The following PDGFRL variants were observed in gnomAD, a reference collection of about 807,000 sequenced individuals.
PDGFRL encodes the protein platelet derived growth factor receptor like.
Under a neutral mutation model 37.2 loss-of-function variants are expected in PDGFRL, and 46 were observed. The ratio of observed to expected loss-of-function variants is 1.24; its 90% confidence interval spans 0.98 to 1.58. The LOEUF (loss-of-function observed/expected upper bound fraction) is 1.58. PDGFRL is among the 40% of genes most tolerant of loss of function. PDGFRL has a pLI of 0.00. For missense variants in PDGFRL, 692 were observed against 467.6 expected (o/e 1.48, Z -4.43); for synonymous variants, 251 against 184.3 (o/e 1.36, Z -2.93).
At chr8:17,640,988 T>C (rs114338256) in intron 5 of PDGFRL, among the ~76,000 whole-genome samples, 5,511 of 151,872 alleles carry the variant, frequency 0.036, 242 homozygotes, top group African/African-American at 0.11. Context: ...CTCAGGCCAA[T>C]GGGGTTATGT....
chr8:17,605,696 A>C (rs941406759), intron 2 of PDGFRL, among the ~76,000 whole-genome samples: 12 of 152,240 alleles, frequency 7.9e-5, no homozygotes, highest in African/African-American at 2.7e-4. Flanking sequence ...CAGTAAAAAC[A>C]AGATAGGCTG....
At chr8:17,598,653 G>C (rs139303137) in intron 2 of PDGFRL, among the ~76,000 whole-genome samples, 239 of 152,242 alleles carry the variant, frequency 1.6e-3, no homozygotes, top group African/African-American at 5.5e-3. Context: ...GTGTCACCTG[G>C]ATCCATCCCC....
At chr8:17,600,479 A>C (rs1366532096) in intron 2 of PDGFRL, among the ~76,000 whole-genome samples, 1 of 152,022 alleles carries the variant, frequency 6.6e-6, no homozygotes, top group East Asian at 1.9e-4. Flanking sequence ...AGACTGAGCT[A>C]CCTAGCTGCC....
At chr8:17,595,872 G>C (rs1804041628) in intron 2 of PDGFRL, among the ~76,000 whole-genome samples, 1 of 152,220 alleles carries the variant, frequency 6.6e-6, no homozygotes, top group South Asian at 2.1e-4. Flanking sequence ...AACTCGAGGG[G>C]CCTTTTGAGG....
At chr8:17,605,762 T>C (rs1479142558) in intron 2 of PDGFRL, among the ~76,000 whole-genome samples, 2 of 152,230 alleles carry the variant, frequency 1.3e-5, no homozygotes, top group Non-Finnish European at 2.9e-5. Context: ...AGGCATTGTC[T>C]TTCAGGATGT....
chr8:17,598,140 T>A (rs956052071), intron 2 of PDGFRL, among the ~76,000 whole-genome samples: 1 of 152,202 alleles, frequency 6.6e-6, no homozygotes, highest in African/African-American at 2.4e-5. Context: ...ATCCTATATG[T>A]TTCCTGCAGT....
rs574916573 is a variant in PDGFRL, at chr8:17,606,335, G to A, written c.354-14716G>A. Among the ~76,000 whole-genome samples, 5 of 152,138 alleles carry A rather than the reference G, an allele frequency of 3.3e-5. No homozygotes were observed. The South Asian group carries it at 6.2e-4, about 19-fold the overall frequency. On this transcript the variant is annotated intron_variant, in intron 2 of 5. Transcript: ENST00000251630. ...GCGAACTCACTTTCCTCCAAAGCTC[G>A]TTTTATTTTATTTTCTGAGCAGAAC...
intron 5 of PDGFRL, among the ~76,000 whole-genome samples, chr8:17,637,047 A>G (rs568112413): frequency 1.3e-5 from 2 of 152,292 alleles, no homozygotes; most frequent in East Asian, 3.9e-4. Flanking sequence ...GTATATGATT[A>G]CATCATCAGC....
chr8:17,597,425 A>G (rs918572165), intron 2 of PDGFRL, among the ~76,000 whole-genome samples: 3 of 152,220 alleles, frequency 2.0e-5, no homozygotes, highest in African/African-American at 7.2e-5. Flanking sequence ...AAATTGTGAA[A>G]TGTTCTTGAC....
intron 2 of PDGFRL, among the ~76,000 whole-genome samples, chr8:17,612,928 T>C (rs778895473): frequency 9.9e-5 from 15 of 152,240 alleles, no homozygotes; most frequent in Non-Finnish European, 2.1e-4. Context: ...ATCTCTTTTA[T>C]GATTAACTTT....
At chr8:17,607,939 G>A (rs768768206) in intron 2 of PDGFRL, among the ~76,000 whole-genome samples, 1 of 152,234 alleles carries the variant, frequency 6.6e-6, no homozygotes, top group Non-Finnish European at 1.5e-5. Flanking sequence ...TTTGCCTCCA[G>A]TGTCCGGGCT....
At chr8:17,577,082 T>TAAAAAAAAACAA (rs1803599051), upstream of PDGFRL, 1 of 410,770 alleles carries the variant, frequency 2.4e-6, no homozygotes, top group Non-Finnish European at 3.7e-6. Flanking sequence ...CACAGAGAAC[T>TAAAAAAAAACAA]AAAAAAAAAA....
rs554547378 is a variant in PDGFRL at position 17,590,610 on chromosome 8, G to T, written c.353+845G>T. On this transcript the variant is annotated intron_variant, in intron 2 of 5. Coordinates refer to ENST00000251630, the MANE Select transcript of PDGFRL (RefSeq NM_001372073.1). ...CTGCAATTCCAGTTACTCAGGCAGA[G>T]CTGAGGCAGAAGAGTCGCTTGAACC... is the stretch of plus-strand genomic sequence containing the variant. Among the ~76,000 whole-genome samples the T allele has an allele frequency of 3.6e-3, 550 of 150,796 alleles. 2 individuals carry two copies. The highest frequency in any genetic ancestry group is 0.013 in the African/African-American group (531 of 40,822).
At chr8:17,627,427 G>A (rs547153032) in intron 3 of PDGFRL, among the ~76,000 whole-genome samples, 9 of 151,804 alleles carry the variant, frequency 5.9e-5, no homozygotes, top group Admixed American at 5.2e-4. Flanking sequence ...TTATTCAAAT[G>A]AGCTTTAACA....
intron 1 of PDGFRL, among the ~76,000 whole-genome samples, chr8:17,579,648 C>A (rs933087751): frequency 6.6e-6 from 1 of 151,754 alleles, no homozygotes; most frequent in African/African-American, 2.4e-5. Context: ...CTCACTGCGA[C>A]TTCCACTTGT....
intron 3 of PDGFRL, among the ~76,000 whole-genome samples, chr8:17,625,872 G>A (rs956045130): frequency 2.8e-4 from 42 of 152,248 alleles, no homozygotes; most frequent in African/African-American, 1.0e-3. Flanking sequence ...GCACGTGCCT[G>A]TAGTCCCAGC....
chr8:17,641,683 C>T (rs1563534217), intron 5 of PDGFRL, among the ~76,000 whole-genome samples: 2 of 152,180 alleles, frequency 1.3e-5, no homozygotes, highest in Non-Finnish European at 1.5e-5. Flanking sequence ...AATAACAGCT[C>T]TGCTCCCAGC....
At chr8:17,579,533 T>TTTA (rs1563500863) in intron 1 of PDGFRL, among the ~76,000 whole-genome samples, 1 of 138,098 alleles carries the variant, frequency 7.2e-6, no homozygotes, top group Non-Finnish European at 1.5e-5. Context: ...AAAGACAGTC[T>TTTA]TTATTATTAT....
In PDGFRL at chr8:17,577,218, C is replaced by A; in HGVS notation, c.-35C>A. 3 of 1,603,322 alleles carry A rather than the reference C, an allele frequency of 1.9e-6. No homozygotes were observed. Among genetic ancestry groups the A allele is most frequent in the Non-Finnish European group, 2.6e-6 (3 of 1,175,166 alleles). The stretch of plus-strand genomic sequence containing the variant: ...CTGCGTCCCCGCCCCGCGCAGCCGC[C>A]GCGCTCCTGCGCTCCGAGGTCCGAG... On this transcript the variant is annotated 5_prime_UTR_variant, in exon 1 of 6. Transcript: ENST00000251630.
Sources: allele counts gnomAD v4.1 joint callset (sites outside exome capture counted in the v4.1 genomes callset), GRCh38; gene constraint gnomAD v4.1.1; transcripts MANE v1.5; gene names NCBI Gene and HGNC (gene_info 2026-07-23, HGNC 2026-07-21).